Variants in NEBL observed in about 807,000 individuals in gnomAD.
NEBL encodes the protein LIM and SH3 protein 2.
NEBL carries 122 observed loss-of-function variants against 140.2 expected under a neutral mutation model. The ratio of observed to expected loss-of-function variants is 0.87; its 90% CI spans 0.75 to 1.01. The LOEUF (loss-of-function observed/expected upper bound fraction) is 1.01, where lower values mean the gene tolerates loss of function less well. Ranked by LOEUF, NEBL falls within the 50% of genes least tolerant of loss-of-function variation. The pLI is 0.00. For synonymous variants in NEBL, 436 were observed against 398.9 expected (o/e 1.09, Z -1.11); for missense variants, 1,365 against 1,231.3 (o/e 1.11, Z -1.62).
chr10:20,842,834 A>G (rs1177843008), intron 12 of NEBL, among the ~76,000 whole-genome samples: 1 of 151,994 alleles, frequency 6.6e-6, no homozygotes, highest in Non-Finnish European at 1.5e-5. Context: ...TCCCGTTTAG[A>G]GATTTTGAAC....
At chr10:21,167,760 A>T (rs1840844431) in intron 2 of NEBL, among the ~76,000 whole-genome samples, 1 of 152,272 alleles carries the variant, frequency 6.6e-6, no homozygotes, top group Non-Finnish European at 1.5e-5. Context: ...ATAAATTCAC[A>T]TAGAAATATT....
rs776886365 is a variant in NEBL, at chr10:20,858,373, A to G, written c.799-29T>C. On this transcript the variant is annotated intron_variant, in intron 8 of 27. Transcript: ENST00000377122. ...TGAAAATAACATGGAACAAAATACC[A>G]TCGAGGAGAAGAAAATATTATGCTT... 6 of 1,478,622 alleles carry G rather than the reference A, an allele frequency of 4.1e-6. No homozygotes were observed. In the East Asian group the frequency reaches 6.8e-5, roughly 17 times the overall value. 91.6% of individuals were successfully genotyped at this position (1,478,622 alleles called of 1,614,324 possible).
chr10:20,858,122 C>G (rs538053205), intron 9 of NEBL, 118 bp downstream of exon 9: 3 of 775,198 alleles, frequency 3.9e-6, no homozygotes, highest in Non-Finnish European at 6.7e-6. Context: ...AGTTAGTTAA[C>G]GAGGGAGGAG....
At chr10:21,016,000 T>C (rs1348770364) in intron 3 of NEBL, among the ~76,000 whole-genome samples, 1 of 152,240 alleles carries the variant, frequency 6.6e-6, no homozygotes, top group Non-Finnish European at 1.5e-5. Context: ...CCCCCGCAGG[T>C]GAACTATAAT....
intron 4 of NEBL, among the ~76,000 whole-genome samples, chr10:20,954,025 G>GAAA (rs200642113): frequency 1.9e-4 from 24 of 125,666 alleles, no homozygotes; most frequent in Non-Finnish European, 2.5e-4. Flanking sequence ...TCTTCTTAAG[G>GAAA]AAAAAAAAAA....
chr10:20,955,610 A>G (rs1279685864), intron 4 of NEBL, among the ~76,000 whole-genome samples: 1 of 152,198 alleles, frequency 6.6e-6, no homozygotes, highest in East Asian at 1.9e-4. Flanking sequence ...AGTCAGAATT[A>G]AAGGGTTTAG....
intron 2 of NEBL, among the ~76,000 whole-genome samples, chr10:21,149,652 C>T (rs756966411): frequency 1.3e-5 from 2 of 152,224 alleles, no homozygotes; most frequent in Non-Finnish European, 2.9e-5. Flanking sequence ...CTGTGAGCCA[C>T]TCTAGCAAAT....
At chr10:21,107,072 G>A (rs1336417334) in intron 2 of NEBL, among the ~76,000 whole-genome samples, 1 of 152,078 alleles carries the variant, frequency 6.6e-6, no homozygotes, top group Non-Finnish European at 1.5e-5. Context: ...TCAGCTTAAG[G>A]AGATTTTGGG....
chr10:21,153,914 G>A (rs917871879), intron 2 of NEBL, among the ~76,000 whole-genome samples: 15 of 152,088 alleles, frequency 9.9e-5, no homozygotes, highest in African/African-American at 3.4e-4. Flanking sequence ...GTTAAATGAT[G>A]CAAAATGAAA....
chr10:21,149,243 C>T (rs1315981107), intron 2 of NEBL, among the ~76,000 whole-genome samples: 14 of 152,164 alleles, frequency 9.2e-5, no homozygotes, highest in Admixed American at 7.2e-4. Flanking sequence ...GCTCTGTAAC[C>T]CTTCCTCACC....
At chr10:21,282,112 A>C (rs1304983018) in intron 1 of NEBL, among the ~76,000 whole-genome samples, 3 of 152,146 alleles carry the variant, frequency 2.0e-5, no homozygotes, top group African/African-American at 7.2e-5. Flanking sequence ...GTTGAAAATG[A>C]GGTGCTAGCA....
chr10:20,855,804 A>C (rs746742254), intron 9 of NEBL, among the ~76,000 whole-genome samples: 5 of 152,204 alleles, frequency 3.3e-5, no homozygotes, highest in African/African-American at 9.6e-5. Flanking sequence ...TTAAAATAAA[A>C]GTAACTCTGA....
chr10:21,064,366 G>A lies in NEBL; in HGVS notation c.165-44165C>T, dbSNP rs896653981. Among the ~76,000 whole-genome samples the A allele has an allele frequency of 9.2e-5, 14 of 152,022 alleles. No individual in the cohort carries two copies. In the South Asian group the frequency reaches 2.3e-3, roughly 25 times the overall value. On this transcript the variant is annotated intron_variant, in intron 2 of 6. Coordinates refer to the NEBL transcript ENST00000417816. ...TAAGCTTTGATTTTTATCTAGTGAG[G>A]GTGTTGCCTTCCCAGAAAACAATCC...
At chr10:20,962,282 G>A (rs1186815568) in intron 3 of NEBL, among the ~76,000 whole-genome samples, 1 of 152,242 alleles carries the variant, frequency 6.6e-6, no homozygotes, top group Non-Finnish European at 1.5e-5. Context: ...GGAGGGAGAT[G>A]AAGAATTGAC....
At chr10:21,175,509 TATC>T (rs1226244171), upstream of NEBL, among the ~76,000 whole-genome samples, 4 of 152,334 alleles carry the variant, frequency 2.6e-5, no homozygotes, top group East Asian at 5.8e-4. Context: ...TTCAAAAAAA[TATC>T]ATGGCTGCAG....
chr10:21,115,008 G>T (rs1838215552), intron 2 of NEBL, among the ~76,000 whole-genome samples: 1 of 151,752 alleles, frequency 6.6e-6, no homozygotes, highest in Non-Finnish European at 1.5e-5. Flanking sequence ...TTTTAATTAA[G>T]TGTTTTTTAT....
intron 4 of NEBL, among the ~76,000 whole-genome samples, chr10:20,887,577 C>A (rs114890394): frequency 5.9e-5 from 9 of 151,952 alleles, no homozygotes; most frequent in South Asian, 2.1e-4. Context: ...TGCCAACAAA[C>A]GGCTAATTTT....
At chr10:21,030,434 T>C in intron 2 of NEBL, 2 of 652,956 alleles carry the variant, frequency 3.1e-6, no homozygotes, top group South Asian at 2.8e-5. Context: ...GGAGGAAGAC[T>C]GTCACTCTCC....
chr10:20,825,368 A>G (rs1206587020), intron 18 of NEBL, among the ~76,000 whole-genome samples: 1 of 152,158 alleles, frequency 6.6e-6, no homozygotes, highest in Non-Finnish European at 1.5e-5. Flanking sequence ...AAGAAACTAA[A>G]TGTAACGGAA....
Sources: allele counts gnomAD v4.1 joint callset (sites outside exome capture counted in the v4.1 genomes callset), GRCh38; gene constraint gnomAD v4.1.1; transcripts MANE v1.5; gene names NCBI Gene and HGNC (gene_info 2026-07-23, HGNC 2026-07-21).